Variants in METTL21A observed in about 807,000 individuals in gnomAD.
METTL21A encodes the protein protein N-lysine methyltransferase METTL21A.
Under a neutral mutation model 20.9 loss-of-function variants are expected in METTL21A, and 22 were observed. The ratio of observed to expected loss-of-function variants is 1.05; its 90% CI spans 0.75 to 1.50. The LOEUF (loss-of-function observed/expected upper bound fraction) is 1.50. Ranked by LOEUF, METTL21A falls within the 40% of genes most tolerant of loss-of-function variation. The pLI is 0.00. For missense variants in METTL21A, 271 were observed against 266.8 expected, an observed-to-expected ratio of 1.02 and a Z score of -0.11; for synonymous variants, 93 against 102.0, an observed-to-expected ratio of 0.91 and a Z score of 0.53.
chr2:207,617,227 G>A (rs2089888138), intron 3 of METTL21A, among the ~76,000 whole-genome samples: 1 of 152,186 alleles, frequency 6.6e-6, no homozygotes, highest in South Asian at 2.1e-4. Flanking sequence ...ACAAAGATGA[G>A]GAAGAAAGTC....
chr2:207,607,304 G>A (rs919399509), downstream of METTL21A, among the ~76,000 whole-genome samples: 4 of 151,944 alleles, frequency 2.6e-5, no homozygotes, highest in Non-Finnish European at 4.4e-5. Context: ...CAGAAGAATC[G>A]CCTGAACCCA....
At chr2:207,582,827 A>G in intron 3 of METTL21A, 1 of 330,332 alleles carries the variant, frequency 3.0e-6, no homozygotes, top group Non-Finnish European at 6.1e-6. Flanking sequence ...TGGGAGGTGG[A>G]AGTTGCAGTG....
chr2:207,582,041 A>G (rs370255210), exon 4 of METTL21A: 4 of 699,934 alleles, frequency 5.7e-6, no homozygotes. Flanking sequence ...CACATACATA[A>G]TTGGCGATAT....
chr2:207,592,251 C>CAA (rs776002711), intron 3 of METTL21A, among the ~76,000 whole-genome samples: 41 of 151,610 alleles, frequency 2.7e-4, no homozygotes, highest in Non-Finnish European at 5.4e-4. Context: ...ACTAAAAATA[C>CAA]AAAAAATGAG....
chr2:207,624,618 GA>G (rs1199385330), intron 1 of METTL21A: 94 of 380,692 alleles, frequency 2.5e-4, no homozygotes, highest in South Asian at 4.8e-4. Context: ...TGGGGAAGAA[GA>G]AAAAAAAAGC....
chr2:207,587,089 A>T (rs1388860828), intron 3 of METTL21A, among the ~76,000 whole-genome samples: 1 of 152,164 alleles, frequency 6.6e-6, no homozygotes, highest in Non-Finnish European at 1.5e-5. Flanking sequence ...AACGGTGTGG[A>T]GGTTTCTCAA....
In METTL21A at chr2:207,594,263, G is replaced by A. The variant is rs377706759; in HGVS notation, c.260-12103C>T. The stretch of plus-strand genomic sequence containing the variant: ...ATAACAAAATTGACCATCTTAATGA[G>A]TTTTAAGTATTCAGTTCAGTCATGT... On this transcript the variant is annotated intron_variant, in intron 3 of 3. Coordinates refer to the METTL21A transcript ENST00000425132. Among the ~76,000 whole-genome samples the A allele has an allele frequency of 2.0e-5, 3 of 152,154 alleles. No homozygotes were observed. The East Asian group carries it at 5.8e-4, about 29-fold the overall frequency.
At chr2:207,581,652 C>G (rs781260764), downstream of METTL21A, 3 of 424,668 alleles carry the variant, frequency 7.1e-6, no homozygotes, top group African/African-American at 2.0e-5. Context: ...TTTAAAAATA[C>G]AGAGTTCCGG....
rs766136030 is a variant in METTL21A, at chr2:207,598,348, G to GTA, written c.260-16190_260-16189dup. ...TTCTGCTTTAGCTTTCCAATATGCT[G>GTA]TATAGCCTTTGTCATTTTATAATTT... On this transcript the variant is annotated intron_variant, in intron 3 of 3. Coordinates refer to the METTL21A transcript ENST00000425132. 1.6e-5 allele frequency: 3 copies of GTA among 184,058 alleles called. No individual in the cohort carries two copies. The South Asian group carries it at 5.9e-4, about 36-fold the overall frequency. The allele number at this position is 184,058 out of a possible 1,614,324, so 11.4% of individuals were successfully genotyped here.
At chr2:207,604,858 T>C (rs2087820182), downstream of METTL21A, among the ~76,000 whole-genome samples, 1 of 152,244 alleles carries the variant, frequency 6.6e-6, no homozygotes, top group Non-Finnish European at 1.5e-5. Context: ...CGTCTAGCTT[T>C]AATGTGTTGT....
intron 3 of METTL21A, among the ~76,000 whole-genome samples, chr2:207,619,057 G>A (rs1340661454): frequency 2.0e-5 from 3 of 152,082 alleles, no homozygotes; most frequent in African/African-American, 7.2e-5. Context: ...CAGGGTGACT[G>A]TGAGAATGAA....
intron 3 of METTL21A, among the ~76,000 whole-genome samples, chr2:207,590,107 TAA>T (rs1256198113): frequency 7.4e-6 from 1 of 135,680 alleles, no homozygotes; most frequent in Non-Finnish European, 1.6e-5. Context: ...TTTTTTTTTT[TAA>T]TAGATACGGG....
At chr2:207,604,488 CATCT>C (rs1314410410), downstream of METTL21A, among the ~76,000 whole-genome samples, 1 of 46,018 alleles carries the variant, frequency 2.2e-5, no homozygotes, top group African/African-American at 8.0e-5. Flanking sequence ...AATTTCTCCA[CATCT>C]TTCTTAAGTG....
At chr2:207,614,236 A>G (rs950009847) in intron 3 of METTL21A, among the ~76,000 whole-genome samples, 1 of 152,160 alleles carries the variant, frequency 6.6e-6, no homozygotes, top group African/African-American at 2.4e-5. Context: ...CTCCATCTCT[A>G]CAAATAATTT....
intron 3 of METTL21A, among the ~76,000 whole-genome samples, chr2:207,615,426 G>C (rs1215998394): frequency 2.6e-5 from 4 of 152,076 alleles, no homozygotes; most frequent in Non-Finnish European, 5.9e-5. Context: ...GGCCAGGCGT[G>C]GTGGCTCACG....
At chr2:207,613,130 A>C in exon 4 of METTL21A, 5 of 1,612,822 alleles carry the variant, frequency 3.1e-6, no homozygotes, top group Non-Finnish European at 4.2e-6. Context: ...TTCTCACAGT[A>C]AATTGCCTCT....
At chr2:207,584,592 G>A (rs1445727743) in intron 3 of METTL21A, among the ~76,000 whole-genome samples, 1 of 152,140 alleles carries the variant, frequency 6.6e-6, no homozygotes, top group African/African-American at 2.4e-5. Context: ...AGTAGAGACA[G>A]GGTTTCGCCA....
chr2:207,605,098 TG>T (rs1416077733), downstream of METTL21A, among the ~76,000 whole-genome samples: 1 of 152,232 alleles, frequency 6.6e-6, no homozygotes, highest in African/African-American at 2.4e-5. Context: ...GGAGTGGAGT[TG>T]CTGGGTCATG....
At chr2:207,624,451 T>TTA in intron 1 of METTL21A, 47 bp from the exon 2 acceptor site, 1 of 1,490,786 alleles carries the variant, frequency 6.7e-7, no homozygotes. Context: ...AAAAGATACA[T>TTA]TATCTGTTCT....
Sources: allele counts gnomAD v4.1 joint callset (sites outside exome capture counted in the v4.1 genomes callset), GRCh38; gene constraint gnomAD v4.1.1; transcripts MANE v1.5; gene names NCBI Gene and HGNC (gene_info 2026-07-23, HGNC 2026-07-21).